ZFP37: variants seen among roughly 807,000 people sequenced by gnomAD.
The protein encoded by ZFP37 is zinc finger protein 37 homolog.
ZFP37 carries 38 observed loss-of-function variants against 52.1 expected under a neutral mutation model. The observed-to-expected ratio is 0.73, with a 90% CI of 0.56 to 0.96. ZFP37 has a LOEUF of 0.96. Among genes scored for constraint, ZFP37 ranks in the 40% least tolerant of loss-of-function variants. ZFP37 has a pLI of 0.00. For synonymous variants in ZFP37, 253 were observed against 259.5 expected (o/e 0.98, Z 0.24); for missense variants, 695 against 741.4 (o/e 0.94, Z 0.73).
At chr9:113,053,987 C>A (rs974763487) in intron 1 of ZFP37, among the ~76,000 whole-genome samples, 14 of 152,198 alleles carry the variant, frequency 9.2e-5, no homozygotes, top group African/African-American at 3.1e-4. Flanking sequence ...ATATCCTATA[C>A]AACGTCCATT....
rs1055299504 is a variant in ZFP37, at chr9:113,054,098, T to C, written c.132+2459A>G. Among the ~76,000 whole-genome samples, 3 of 152,204 alleles carry C rather than the reference T, an allele frequency of 2.0e-5. No homozygotes were observed. The East Asian group carries it at 5.8e-4, about 29-fold the overall frequency. On this transcript the variant is annotated intron_variant, in intron 1 of 3. Transcript: ENST00000374227. ...TCTTTCAACTCACTCTAACAGGATA[T>C]TATCCCCTTAACTCCAATAAAAGAG... is the stretch of plus-strand genomic sequence containing the variant.
At chr9:113,049,066 G>A (rs1347736477) in intron 3 of ZFP37, among the ~76,000 whole-genome samples, 1 of 152,088 alleles carries the variant, frequency 6.6e-6, no homozygotes, top group Non-Finnish European at 1.5e-5. Flanking sequence ...TTCCTTCATG[G>A]AGCAAAACTG....
chr9:113,042,642 G>C lies in ZFP37; in HGVS notation c.*83C>G, dbSNP rs1828866293. The C allele has an allele frequency of 1.1e-5, 14 of 1,229,762 alleles. No homozygotes were observed. The South Asian group carries it at 2.1e-4, about 19-fold the overall frequency. 76.2% of individuals were successfully genotyped at this position (1,229,762 alleles called of 1,614,324 possible). A position where few individuals can be genotyped will look rare whatever the true frequency, so the allele number is the denominator to read the frequency against. ...AACAAGGTGTGACATCTTGCTAAAG[G>C]CTTTCTAACACTCTTTAAAATCAGC... On this transcript the variant is annotated 3_prime_UTR_variant, in exon 4 of 4. Transcript: ENST00000374227.
At chr9:113,046,207 T>C (rs1237656296) in intron 3 of ZFP37, among the ~76,000 whole-genome samples, 1 of 70,132 alleles carries the variant, frequency 1.4e-5, no homozygotes, top group Non-Finnish European at 2.7e-5. Context: ...TAGACAGATA[T>C]ATATCTATAT....
rs1340508819 is a variant in ZFP37, at chr9:113,041,726, T to C, written c.*999A>G. ...ATTCATCATCATTCATGAATAAGCA[T>C]ACAAAGATTTTAACTCTGTCAAAAT... On this transcript the variant is annotated 3_prime_UTR_variant, in exon 4 of 4. Transcript: ENST00000374227. 1.3e-5 allele frequency: 2 copies of C among 152,232 alleles called. No homozygotes were observed. The allele number at this position is 152,232 out of a possible 1,614,324, so 9.4% of individuals were successfully genotyped here.
chr9:113,049,567 C>T (rs749600299), intron 2 of ZFP37, 71 bp from the exon 3 acceptor site: 2 of 1,548,700 alleles, frequency 1.3e-6, no homozygotes, highest in Non-Finnish European at 1.7e-6. Context: ...AGCATTTGTA[C>T]TTCAGGGCCT....
At chr9:113,054,676 G>A (rs554560561) in intron 1 of ZFP37, among the ~76,000 whole-genome samples, 13 of 152,116 alleles carry the variant, frequency 8.5e-5, no homozygotes, top group African/African-American at 2.9e-4. Context: ...CCATCCATCC[G>A]GTTCTTCAGG....
chr9:113,043,768 C>T lies in ZFP37; in HGVS notation c.850G>A (p.Glu284Lys). The T allele has an allele frequency of 6.2e-7, 1 of 1,614,018 alleles. No individual in the cohort carries two copies. Among genetic ancestry groups the T allele is most frequent in the Non-Finnish European group, 8.5e-7 (1 of 1,179,980 alleles). ...SPSLSSSTKH[E>K]KPQACVKPYE... The stretch of plus-strand genomic sequence containing the variant: ...GGTTTCACACAAGCTTGAGGTTTTT[C>T]ATGCTTAGTAGATGAGCTAAGGCTG... The change falls in exon 4 of 4, where the codon GAA becomes AAA. Residue 284 changes from glutamate (E) to lysine (K), a missense_variant. This residue lies in a region of ZFP37 where 369 missense variants were observed against 340.9 expected (regional missense o/e 1.08). Transcript: ENST00000374227.
Position 113,042,713 on chromosome 9 carries a change from C to T in ZFP37, c.*12G>A. On this transcript the variant is annotated 3_prime_UTR_variant, in exon 4 of 4. Coordinates refer to ENST00000374227, the MANE Select transcript of ZFP37 (RefSeq NM_003408.3). ...AACCTTAAATTTAGTTAACAAATTTCCCACATTAACTTCACTCATGAGATT... is the reference window on the plus strand; with the variant it reads ...AACCTTAAATTTAGTTAACAAATTTTCCACATTAACTTCACTCATGAGATT... 1 of 1,529,806 alleles carries T rather than the reference C, an allele frequency of 6.5e-7. No homozygotes were observed. The highest frequency in any genetic ancestry group is 1.3e-5 in the South Asian group (1 of 76,342). 94.8% of individuals were successfully genotyped at this position (1,529,806 alleles called of 1,614,324 possible). A position where few individuals can be genotyped will look rare whatever the true frequency, so the allele number is the denominator to read the frequency against.
At chr9:113,045,968 C>T (rs554116583) in intron 3 of ZFP37, among the ~76,000 whole-genome samples, 7 of 151,928 alleles carry the variant, frequency 4.6e-5, no homozygotes, top group East Asian at 1.9e-4. Context: ...TGAATAGCCA[C>T]CTTGATGGTA....
chr9:113,041,249 T>C lies in ZFP37; in HGVS notation c.*1476A>G, dbSNP rs969337911. The C allele has an allele frequency of 3.3e-5, 5 of 152,134 alleles. No homozygotes were observed. The highest frequency in any genetic ancestry group is 6.6e-5 in the Admixed American group (1 of 15,266). 9.4% of individuals were successfully genotyped at this position (152,134 alleles called of 1,614,324 possible). Reference sequence around the variant, plus strand: ...CCCAGCCAGAAGTATTTTTAATCTATGGCTCAAGAGTAAAAAAAATCCAGG... The same window carrying C: ...CCCAGCCAGAAGTATTTTTAATCTACGGCTCAAGAGTAAAAAAAATCCAGG... On this transcript the variant is annotated 3_prime_UTR_variant, in exon 4 of 4. Transcript: ENST00000374227.
chr9:113,044,111 A>T lies in ZFP37; in HGVS notation c.507T>A (p.Pro169=). ...KKNNLHKKHV[P]SKKRLLKFES... The stretch of plus-strand genomic sequence containing the variant: ...CAAATTTAAGAAGCCTTTTCTTTGA[A>T]GGAACATGTTTTTTATGCAAATTAT... Residue 169 remains proline, a synonymous_variant, in exon 4 of 4, where the codon CCT becomes CCA. Transcript: ENST00000374227. The T allele has an allele frequency of 1.2e-6, 2 of 1,611,714 alleles. No homozygotes were observed. The highest frequency in any genetic ancestry group is 1.7e-6 in the Non-Finnish European group (2 of 1,179,496).
intron 1 of ZFP37, among the ~76,000 whole-genome samples, chr9:113,054,645 T>C (rs961398023): frequency 6.6e-6 from 1 of 152,172 alleles, no homozygotes; most frequent in African/African-American, 2.4e-5. Context: ...CATAACCCTT[T>C]CCATTCAGAA....
At position 113,039,756 on chromosome 9, in the gene ZFP37, T is replaced by A. The variant is rs1032531481; in HGVS notation, c.*2969A>T. Reference sequence around the variant, plus strand: ...TGATCATATCACTTGAATAAATAAATGTTTCAAAACTGTTAATAATAATTT... The same window carrying A: ...TGATCATATCACTTGAATAAATAAAAGTTTCAAAACTGTTAATAATAATTT... On this transcript the variant is annotated 3_prime_UTR_variant, in exon 4 of 4. Transcript: ENST00000374227. 1.3e-5 allele frequency: 2 copies of A among 152,206 alleles called. No homozygotes were observed. Among genetic ancestry groups the A allele is most frequent in the Non-Finnish European group, 2.9e-5 (2 of 68,038 alleles). 9.4% of individuals were successfully genotyped at this position (152,206 alleles called of 1,614,324 possible).
chr9:113,054,762 G>T (rs1351155608), intron 1 of ZFP37, among the ~76,000 whole-genome samples: 1 of 152,078 alleles, frequency 6.6e-6, no homozygotes, highest in East Asian at 1.9e-4. Flanking sequence ...AAGTTCTATT[G>T]CTTATCTCCA....
chr9:113,050,782 G>A (rs1251697327), intron 1 of ZFP37, among the ~76,000 whole-genome samples: 2 of 151,902 alleles, frequency 1.3e-5, no homozygotes, highest in African/African-American at 4.8e-5. Flanking sequence ...CTGTAATTCC[G>A]GCTACTTGGG....
At position 113,056,647 on chromosome 9, in the gene ZFP37, C is replaced by A; in HGVS notation, c.42G>T (p.Glu14Asp). 6.2e-7 allele frequency: 1 copy of A among 1,613,924 alleles called. No homozygotes were observed. Among genetic ancestry groups the A allele is most frequent in the Non-Finnish European group, 8.5e-7 (1 of 1,179,950 alleles). The change falls in exon 1 of 4, where the codon GAG (glutamate) becomes GAT (aspartate). Residue 14 changes from glutamate to aspartate, a missense_variant. Glu to Asp is a conservative substitution (Grantham distance 45, BLOSUM62 2). This residue lies in a region of ZFP37 where 369 missense variants were observed against 340.9 expected (regional missense o/e 1.08). Transcript: ENST00000374227. ...SSGVQILTKP[E>D]TVDRRRSAET... The stretch of plus-strand genomic sequence containing the variant: ...CCGCACTTCTCCTCCGGTCCACGGT[C>A]TCTGGCTTTGTCAGAATCTGGACGC...
At chr9:113,044,454 A>G (rs886071401) in intron 3 of ZFP37, among the ~76,000 whole-genome samples, 186 bp from the exon 4 acceptor site, 1 of 152,200 alleles carries the variant, frequency 6.6e-6, no homozygotes, top group Non-Finnish European at 1.5e-5. Flanking sequence ...GAGGTGGGAA[A>G]AGTGACAATA....
At position 113,044,186 on chromosome 9, in the gene ZFP37, T is replaced by C. The variant is rs373516462; in HGVS notation, c.432A>G (p.Lys144=). 8 of 1,606,002 alleles carry C rather than the reference T, an allele frequency of 5.0e-6. No individual in the cohort carries two copies. In the African/African-American group the frequency reaches 5.4e-5, roughly 11 times the overall value. Residue 144 remains lysine, a synonymous_variant, in exon 4 of 4, where the codon AAA becomes AAG. Transcript: ENST00000374227. The part of the protein sequence containing the change: ...KLLREVAVKK[K]TQAKKNGSDC... The stretch of plus-strand genomic sequence containing the variant: ...CACTGCCATTCTTCTTAGCTTGAGT[T>C]TTCTTCTTGACTGCAACTTCCCTGA...
Sources: allele counts gnomAD v4.1 joint callset (sites outside exome capture counted in the v4.1 genomes callset), GRCh38; gene constraint gnomAD v4.1.1; regional missense constraint gnomAD v4.1.1; transcripts MANE v1.5; gene names NCBI Gene and HGNC (gene_info 2026-07-23, HGNC 2026-07-21).